PSPC1: variants seen among roughly 807,000 people sequenced by gnomAD.
The protein encoded by PSPC1 is paraspeckle protein 1.
Under a neutral mutation model 51.6 loss-of-function variants are expected in PSPC1, and 14 were observed. The observed-to-expected ratio is 0.27, with a 90% CI of 0.18 to 0.42. The LOEUF is 0.42. Among genes scored for constraint, PSPC1 ranks in the 10% least tolerant of loss-of-function variants. The probability of loss-of-function intolerance (pLI) is 1.00; values close to 1 mark genes in which losing one functional copy is unlikely to be tolerated. For missense variants in PSPC1, 406 were observed against 701.1 expected (o/e 0.58, Z 4.75); for synonymous variants, 193 against 231.9 (o/e 0.83, Z 1.53).
chr13:19,775,347 G>A (rs183778495), intron 1 of PSPC1, among the ~76,000 whole-genome samples: 9 of 150,170 alleles, frequency 6.0e-5, no homozygotes, highest in Admixed American at 2.0e-4. Flanking sequence ...GCGAGACTCC[G>A]TCTCAAAAAA....
downstream of PSPC1, chr13:19,673,168 T>A: frequency 2.2e-6 from 1 of 451,802 alleles, no homozygotes. Context: ...GGGGCTTAGG[T>A]AACAGCCAAA....
At chr13:19,690,276 G>T (rs1041387071) in intron 6 of PSPC1, among the ~76,000 whole-genome samples, 2 of 152,176 alleles carry the variant, frequency 1.3e-5, no homozygotes, top group Non-Finnish European at 2.9e-5. Flanking sequence ...GACCATCAAT[G>T]TCTGAAGAAG....
Position 19,763,787 on chromosome 13 carries a change from A to G in PSPC1, c.675-4369T>C, listed in dbSNP as rs539256289. On this transcript the variant is annotated intron_variant, in intron 2 of 8. Coordinates refer to ENST00000338910, the MANE Select transcript of PSPC1 (RefSeq NM_001354909.2). ...AGGCCAAGGCAAGTGTATCACCTGA[A>G]GTTAGGAGTTTGAGACCAGCCTGGC... Among the ~76,000 whole-genome samples the G allele has an allele frequency of 2.3e-3, 347 of 152,198 alleles. 2 individuals carry two copies. Among genetic ancestry groups the G allele is most frequent in the African/African-American group, 7.9e-3 (330 of 41,556 alleles).
chr13:19,701,468 T>C (rs1434426665), downstream of PSPC1, among the ~76,000 whole-genome samples: 1 of 152,050 alleles, frequency 6.6e-6, no homozygotes, highest in Non-Finnish European at 1.5e-5. Flanking sequence ...ATGAGAATAG[T>C]CTTTGACTAT....
intron 5 of PSPC1, among the ~76,000 whole-genome samples, chr13:19,730,655 C>T (rs1376571089): frequency 6.6e-6 from 1 of 151,890 alleles, no homozygotes; most frequent in African/African-American, 2.4e-5. Context: ...TACTCTCTTA[C>T]TATAGAAAGG....
chr13:19,776,990 G>C (rs1209503501), intron 1 of PSPC1, among the ~76,000 whole-genome samples: 2 of 142,518 alleles, frequency 1.4e-5, no homozygotes, highest in African/African-American at 2.6e-5. Context: ...GCCTGGGCTG[G>C]TGTCATGCCT....
At chr13:19,686,629 T>C (rs1163312365) in intron 6 of PSPC1, among the ~76,000 whole-genome samples, 1 of 152,156 alleles carries the variant, frequency 6.6e-6, no homozygotes, top group Non-Finnish European at 1.5e-5. Flanking sequence ...TGTATCTTGA[T>C]TTCTGTGTAC....
chr13:19,733,349 C>T (rs1345384344), intron 5 of PSPC1, among the ~76,000 whole-genome samples: 1 of 151,954 alleles, frequency 6.6e-6, no homozygotes, highest in African/African-American at 2.4e-5. Flanking sequence ...TTTTTATGGC[C>T]GAATTTGGTG....
chr13:19,766,972 A>G (rs1291089037), intron 2 of PSPC1, among the ~76,000 whole-genome samples: 1 of 151,870 alleles, frequency 6.6e-6, no homozygotes, highest in African/African-American at 2.4e-5. Flanking sequence ...TCAGGAGTTG[A>G]AGACCAGCCT....
At chr13:19,671,839 G>A (rs780227853), downstream of PSPC1, 10 of 1,614,092 alleles carry the variant, frequency 6.2e-6, no homozygotes, top group Admixed American at 8.3e-5. Flanking sequence ...AACAGGTTAA[G>A]TTGCTAATAG....
At chr13:19,745,986 G>A (rs1448527646) in intron 4 of PSPC1, among the ~76,000 whole-genome samples, 1 of 150,040 alleles carries the variant, frequency 6.7e-6, no homozygotes. Context: ...AGGGCTCACA[G>A]CAACATATTT....
intron 6 of PSPC1, among the ~76,000 whole-genome samples, chr13:19,689,048 G>A (rs1285972788): frequency 1.3e-5 from 2 of 151,518 alleles, no homozygotes; most frequent in African/African-American, 2.4e-5. Flanking sequence ...ACTAGCCAAA[G>A]GAAAATAACT....
At chr13:19,750,466 A>G (rs919193232) in intron 4 of PSPC1, among the ~76,000 whole-genome samples, 2 of 150,816 alleles carry the variant, frequency 1.3e-5, no homozygotes, top group African/African-American at 4.9e-5. Context: ...AAAAATATAT[A>G]TATATATATA....
intron 6 of PSPC1, among the ~76,000 whole-genome samples, chr13:19,689,390 T>C (rs886219459): frequency 6.6e-6 from 1 of 152,188 alleles, no homozygotes; most frequent in Non-Finnish European, 1.5e-5. Flanking sequence ...TACTATAGAT[T>C]AGCTATATAG....
chr13:19,760,343 C>T (rs1468792652), intron 2 of PSPC1, among the ~76,000 whole-genome samples: 3 of 151,898 alleles, frequency 2.0e-5, no homozygotes, highest in South Asian at 4.2e-4. Flanking sequence ...ACATGGCCAA[C>T]GTGGTGAAAC....
At chr13:19,676,756 A>G (rs1327866343) in intron 7 of PSPC1, among the ~76,000 whole-genome samples, 1 of 152,230 alleles carries the variant, frequency 6.6e-6, no homozygotes, top group African/African-American at 2.4e-5. Context: ...AAGCTAGAAA[A>G]GACATACACT....
At chr13:19,699,903 C>A (rs1040167557), downstream of PSPC1, among the ~76,000 whole-genome samples, 3 of 151,956 alleles carry the variant, frequency 2.0e-5, no homozygotes, top group Non-Finnish European at 4.4e-5. Context: ...GATGTTGTAA[C>A]AAAACTCTGA....
intron 5 of PSPC1, among the ~76,000 whole-genome samples, chr13:19,732,180 A>C (rs1400703819): frequency 2.0e-5 from 3 of 152,196 alleles, no homozygotes; most frequent in Non-Finnish European, 4.4e-5. Flanking sequence ...CAAAATCTGG[A>C]CTATTTTAAG....
rs537167715 is a variant in PSPC1, at chr13:19,682,558, C to T, written c.1159-4735G>A. ...AGAAGTTATCGGAAAATGTTCACAA[C>T]GTCAGGCTCACTAAAAAAAGTTATG... On this transcript the variant is annotated intron_variant and NMD_transcript_variant, in intron 6 of 7. Coordinates refer to the PSPC1 transcript ENST00000471658. Among the ~76,000 whole-genome samples, 4 of 146,896 alleles carry T rather than the reference C, an allele frequency of 2.7e-5. No individual in the cohort carries two copies. In the East Asian group the frequency reaches 5.9e-4, roughly 22 times the overall value.
Sources: gnomAD v4.1 joint callset for allele counts (sites outside exome capture counted in the v4.1 genomes callset) on GRCh38, gnomAD v4.1.1 for gene constraint, MANE v1.5 for transcripts, NCBI Gene and HGNC (gene_info 2026-07-23, HGNC 2026-07-21) for gene names.